The following MEIKIN variants were observed in gnomAD, a reference collection of about 807,000 sequenced individuals.
The protein encoded by MEIKIN is meiosis-specific kinetochore protein.
At chr5:131,878,705 CA>C (rs1026206101) in intron 9 of MEIKIN, among the ~76,000 whole-genome samples, 1 of 151,282 alleles carries the variant, frequency 6.6e-6, no homozygotes, top group South Asian at 2.1e-4. Context: ...CCCATCTTTA[CA>C]AAAAAAATTT....
intron 8 of MEIKIN, among the ~76,000 whole-genome samples, chr5:131,898,147 A>C (rs767004525): frequency 1.3e-5 from 2 of 152,142 alleles, no homozygotes; most frequent in African/African-American, 2.4e-5. Context: ...AGTTTTCCTT[A>C]TAACAGTCAG....
chr5:131,832,196 G>T (rs1461977411), intron 11 of MEIKIN, among the ~76,000 whole-genome samples: 1 of 152,154 alleles, frequency 6.6e-6, no homozygotes, highest in Non-Finnish European at 1.5e-5. Context: ...TACAATGGGG[G>T]TACAGGTATT....
intron 8 of MEIKIN, among the ~76,000 whole-genome samples, chr5:131,884,754 C>T (rs1750749569): frequency 6.6e-6 from 1 of 151,778 alleles, no homozygotes; most frequent in South Asian, 2.1e-4. Flanking sequence ...CAGGCCTTGG[C>T]TCTTGGACAG....
chr5:131,825,473 T>A (rs1749595161), intron 11 of MEIKIN, among the ~76,000 whole-genome samples: 1 of 151,856 alleles, frequency 6.6e-6, no homozygotes, highest in Non-Finnish European at 1.5e-5. Context: ...TCCAGTGGAG[T>A]CACATGGTCA....
At chr5:131,871,459 C>T (rs190560805) in intron 9 of MEIKIN, among the ~76,000 whole-genome samples, 78 of 152,342 alleles carry the variant, frequency 5.1e-4, no homozygotes, top group Admixed American at 1.6e-3. Context: ...GAGGGGCGCC[C>T]GCCATTCCCG....
intron 12 of MEIKIN, among the ~76,000 whole-genome samples, chr5:131,815,436 A>C (rs1024093460): frequency 1.3e-5 from 2 of 152,240 alleles, no homozygotes; most frequent in African/African-American, 4.8e-5. Flanking sequence ...ATGCATTATT[A>C]ACCCTGGTGA....
At chr5:131,926,484 G>T (rs2149649819) in intron 5 of MEIKIN, among the ~76,000 whole-genome samples, 1 of 152,282 alleles carries the variant, frequency 6.6e-6, no homozygotes. Context: ...CAGGGATATT[G>T]TCTTACAGTT....
At chr5:131,905,313 T>C (rs556532350) in intron 8 of MEIKIN, among the ~76,000 whole-genome samples, 2 of 152,144 alleles carry the variant, frequency 1.3e-5, no homozygotes, top group East Asian at 3.9e-4. Flanking sequence ...AGAGGGAAGT[T>C]TATAGCACTA....
intron 10 of MEIKIN, among the ~76,000 whole-genome samples, chr5:131,854,019 A>G (rs2149616189): frequency 6.6e-6 from 1 of 152,308 alleles, no homozygotes; most frequent in East Asian, 1.9e-4. Context: ...GAAAGCAGGG[A>G]CTCAAACATA....
chr5:131,935,209 T>C (rs1751754970), intron 4 of MEIKIN, among the ~76,000 whole-genome samples: 1 of 134,736 alleles, frequency 7.4e-6, no homozygotes, highest in Admixed American at 8.4e-5. Flanking sequence ...GGTGAGAGGA[T>C]CATCTGAGCC....
At chr5:131,938,940 C>T (rs972798802) in intron 4 of MEIKIN, among the ~76,000 whole-genome samples, 4 of 152,266 alleles carry the variant, frequency 2.6e-5, no homozygotes, top group African/African-American at 9.6e-5. Context: ...AGGGACCAGG[C>T]CATATTACCA....
intron 9 of MEIKIN, among the ~76,000 whole-genome samples, chr5:131,877,014 C>T (rs1358615233): frequency 4.2e-4 from 44 of 105,092 alleles, no homozygotes; most frequent in African/African-American, 1.4e-3. Context: ...GGGGAGGGGG[C>T]GAGGGATAGC....
At chr5:131,827,947 G>A (rs1749643027) in intron 11 of MEIKIN, among the ~76,000 whole-genome samples, 1 of 151,882 alleles carries the variant, frequency 6.6e-6, no homozygotes, top group East Asian at 1.9e-4. Context: ...ACTCAGGACG[G>A]CTGAGGTGGG....
intron 9 of MEIKIN, among the ~76,000 whole-genome samples, chr5:131,877,077 A>G (rs995302749): frequency 3.3e-5 from 5 of 151,988 alleles, no homozygotes; most frequent in Middle Eastern, 3.2e-3. Context: ...CAGCACACCA[A>G]CCTGGCACAT....
intron 5 of MEIKIN, among the ~76,000 whole-genome samples, chr5:131,928,957 A>C (rs1751637466): frequency 6.6e-6 from 1 of 152,212 alleles, no homozygotes; most frequent in South Asian, 2.1e-4. Context: ...TTCAACTTAA[A>C]TAATTCCTTT....
intron 8 of MEIKIN, among the ~76,000 whole-genome samples, chr5:131,890,616 T>C (rs1750893887): frequency 6.6e-6 from 1 of 152,224 alleles, no homozygotes; most frequent in Non-Finnish European, 1.5e-5. Context: ...TTTTCTTCTT[T>C]ATTAGTCTTG....
At chr5:131,813,379 C>T (rs191187446) in intron 12 of MEIKIN, among the ~76,000 whole-genome samples, 19 of 151,868 alleles carry the variant, frequency 1.3e-4, no homozygotes, top group African/African-American at 3.9e-4. Context: ...GGAGTGCACC[C>T]GGTTGTGTGC....
At chr5:131,860,102 T>C (rs1436031318) in intron 9 of MEIKIN, among the ~76,000 whole-genome samples, 1 of 152,166 alleles carries the variant, frequency 6.6e-6, no homozygotes, top group East Asian at 1.9e-4. Context: ...TACATTGATA[T>C]GTAGTTAGAG....
At chr5:131,879,490 T>G (rs1488733689) in intron 8 of MEIKIN, among the ~76,000 whole-genome samples, 1 of 152,258 alleles carries the variant, frequency 6.6e-6, no homozygotes, top group African/African-American at 2.4e-5. Context: ...CGGCTTTTAG[T>G]GTACCTGTTT....
Sources: allele counts gnomAD v4.1 joint callset (sites outside exome capture counted in the v4.1 genomes callset), GRCh38; gene constraint gnomAD v4.1.1; transcripts MANE v1.5; gene names NCBI Gene and HGNC (gene_info 2026-07-23, HGNC 2026-07-21).